Variants in ANKRD60 observed in about 807,000 individuals in gnomAD.
The protein encoded by ANKRD60 is ankyrin repeat domain 60.
ANKRD60 carries 24 observed loss-of-function variants against 21.3 expected under a neutral mutation model. That is an observed-to-expected ratio of 1.13 (90% confidence interval 0.82 to 1.59). The LOEUF is 1.59. Among genes scored for constraint, ANKRD60 ranks in the 40% most tolerant of loss-of-function variants. The pLI, the probability that ANKRD60 is intolerant of heterozygous loss-of-function variation, is 0.00. For synonymous variants in ANKRD60, 182 were observed against 199.4 expected (o/e 0.91, Z 0.74); for missense variants, 490 against 466.7 (o/e 1.05, Z -0.46).
Position 58,218,806 on chromosome 20 carries a change from C to T in ANKRD60, c.728-1G>A. On this transcript the variant is annotated splice_acceptor_variant, in intron 3 of 3. Transcript: ENST00000457363. LOFTEE classifies it high-confidence loss of function. ...GGGGATCTGCTGAGGCAGCTGGCTC[C>T]TGTAAAATAAGAACATTGGCCAGAA... The T allele has an allele frequency of 6.5e-7, 1 of 1,529,738 alleles. No homozygotes were observed. The allele number at this position is 1,529,738 out of a possible 1,614,324, so 94.8% of individuals were successfully genotyped here.
At chr20:58,226,036 G>C (rs1312067765) in intron 1 of ANKRD60, among the ~76,000 whole-genome samples, 1 of 152,156 alleles carries the variant, frequency 6.6e-6, no homozygotes, top group Non-Finnish European at 1.5e-5. Context: ...TTCAGTCACA[G>C]GGAACTTTCG....
intron 1 of ANKRD60, among the ~76,000 whole-genome samples, chr20:58,227,953 G>A (rs1984398143): frequency 6.6e-6 from 1 of 152,198 alleles, no homozygotes; most frequent in Non-Finnish European, 1.5e-5. Context: ...GATCCAGGCA[G>A]GACCTGCTTG....
At chr20:58,222,980 G>C in intron 2 of ANKRD60, 72 bp downstream of exon 2, 1 of 1,470,406 alleles carries the variant, frequency 6.8e-7, no homozygotes, top group Non-Finnish European at 9.1e-7. Context: ...CCGTATTAAA[G>C]ACTAATTTTC....
chr20:58,227,795 A>G (rs544448321), intron 1 of ANKRD60, among the ~76,000 whole-genome samples: 1 of 152,178 alleles, frequency 6.6e-6, no homozygotes, highest in Admixed American at 6.5e-5. Context: ...GGTTCTGCTG[A>G]GGACAGGCCT....
chr20:58,220,868 T>C (rs899440541), intron 3 of ANKRD60, among the ~76,000 whole-genome samples: 1 of 152,060 alleles, frequency 6.6e-6, no homozygotes, highest in African/African-American at 2.4e-5. Context: ...CCTGACCTCA[T>C]GTGATCTGCC....
exon 4 of ANKRD60, chr20:58,218,669 G>A: frequency 3.9e-6 from 6 of 1,551,754 alleles, no homozygotes; most frequent in Non-Finnish European, 5.2e-6. Flanking sequence ...TGGAGATGGG[G>A]GTCTCCCCCT....
At chr20:58,218,566 C>G (rs745640123) in exon 4 of ANKRD60, 70 of 1,551,634 alleles carry the variant, frequency 4.5e-5, no homozygotes, top group Non-Finnish European at 5.9e-5. Flanking sequence ...TTCTTCATGA[C>G]CAAGTCATTC....
chr20:58,223,866 G>T (rs1382813288), intron 1 of ANKRD60, among the ~76,000 whole-genome samples: 1 of 152,210 alleles, frequency 6.6e-6, no homozygotes, highest in Non-Finnish European at 1.5e-5. Context: ...CACTTTGGGA[G>T]GCTGAGGTGG....
At chr20:58,222,990 C>T (rs182314580) in intron 2 of ANKRD60, 62 bp downstream of exon 2, 5 of 1,485,824 alleles carry the variant, frequency 3.4e-6, no homozygotes, top group Non-Finnish European at 3.6e-6. Flanking sequence ...GACTAATTTT[C>T]CCCCCACAAT....
intron 2 of ANKRD60, among the ~76,000 whole-genome samples, chr20:58,222,327 C>T (rs1245456464): frequency 6.6e-6 from 1 of 152,120 alleles, no homozygotes; most frequent in Non-Finnish European, 1.5e-5. Context: ...TGCCTCCTGC[C>T]GCACCTGCCC....
chr20:58,218,937 A>C, intron 3 of ANKRD60, 132 bp from the exon 4 acceptor site: 1 of 770,984 alleles, frequency 1.3e-6, no homozygotes, highest in South Asian at 2.0e-5. Context: ...CCCTGCCCCC[A>C]GTCCACTCCC....
chr20:58,218,540 G>C, exon 4 of ANKRD60: 1 of 1,551,660 alleles, frequency 6.4e-7, no homozygotes, highest in Admixed American at 2.0e-5. Flanking sequence ...ACCCAGACTT[G>C]ACCCTCTGCA....
chr20:58,225,655 C>T (rs1984348944), intron 1 of ANKRD60, among the ~76,000 whole-genome samples: 1 of 152,196 alleles, frequency 6.6e-6, no homozygotes, highest in African/African-American at 2.4e-5. Flanking sequence ...TCTGGCAGCA[C>T]CAAGCCCGTG....
In ANKRD60 at chr20:58,224,775, A is replaced by C. The variant is rs990924974; in HGVS notation, c.431-1593T>G. On this transcript the variant is annotated intron_variant, in intron 1 of 3. Coordinates refer to ENST00000457363, the Ensembl canonical transcript of ANKRD60. ...TGAGACGGGCAAGAGTAAAACTCCC[A>C]CATGCTGAACAGCCCCTGTAGAGAT... Among the ~76,000 whole-genome samples, 5 of 152,238 alleles carry C rather than the reference A, an allele frequency of 3.3e-5. No individual in the cohort carries two copies. In the East Asian group the frequency reaches 9.6e-4, roughly 29 times the overall value.
rs1219143150 is a variant in ANKRD60 at position 58,218,689 on chromosome 20, T to A, written c.844A>T (p.Arg282Ter). ...ATGGGGGTCTCCCCCTTGGCATCTC[T>A]GTCGTGGATGGAGGCCCCGTGCTGG... is the stretch of plus-strand genomic sequence containing the variant. The change falls in exon 4 of 4, where the codon AGA becomes TGA. Residue 282 changes from arginine to a stop codon, truncating the protein, a stop_gained. Transcript: ENST00000457363. LOFTEE classifies it low-confidence loss of function (END_TRUNC). 3.2e-6 allele frequency: 5 copies of A among 1,551,634 alleles called. No homozygotes were observed. The highest frequency in any genetic ancestry group is 4.4e-6 in the Non-Finnish European group (5 of 1,147,004).
At chr20:58,224,993 C>T (rs189888895) in intron 1 of ANKRD60, among the ~76,000 whole-genome samples, 3 of 152,316 alleles carry the variant, frequency 2.0e-5, no homozygotes, top group East Asian at 3.9e-4. Flanking sequence ...GATCTCCCCC[C>T]GCCCCAAATT....
chr20:58,220,489 C>CAGAGAG (rs11469843), intron 3 of ANKRD60, among the ~76,000 whole-genome samples: 3,104 of 144,320 alleles, frequency 0.022, 41 homozygotes, highest in East Asian at 0.037. Flanking sequence ...TCAAGAGAGC[C>CAGAGAG]AGAGAGAGAG....
intron 1 of ANKRD60, among the ~76,000 whole-genome samples, chr20:58,224,957 C>T (rs907223779): frequency 6.6e-6 from 1 of 152,202 alleles, no homozygotes; most frequent in African/African-American, 2.4e-5. Context: ...TTGTGAAACT[C>T]AAGGTTTTCA....
chr20:58,226,334 G>T (rs1984363057), intron 1 of ANKRD60, among the ~76,000 whole-genome samples: 1 of 152,106 alleles, frequency 6.6e-6, no homozygotes, highest in South Asian at 2.1e-4. Context: ...GGGATGTGGG[G>T]ATCTGATGTA....
Sources: allele counts gnomAD v4.1 joint callset (sites outside exome capture counted in the v4.1 genomes callset), GRCh38; gene constraint gnomAD v4.1.1; transcripts MANE v1.5; gene names NCBI Gene and HGNC (gene_info 2026-07-23, HGNC 2026-07-21).